The following SLIT3 variants were observed in gnomAD, a reference collection of about 807,000 sequenced individuals.
The protein encoded by SLIT3 is slit guidance ligand 3.
SLIT3 carries 68 observed loss-of-function variants against 184.0 expected under a neutral mutation model. That is an observed-to-expected ratio of 0.37 (90% confidence interval 0.30 to 0.45). The LOEUF (loss-of-function observed/expected upper bound fraction) is 0.45. Ranked by LOEUF, SLIT3 falls within the 20% of genes least tolerant of loss-of-function variation. SLIT3 has a pLI of 1.00. For missense variants in SLIT3, 1,707 were observed against 2,026.0 expected, an observed-to-expected ratio of 0.84 and a Z score of 3.02; for synonymous variants, 831 against 828.6, an observed-to-expected ratio of 1.00 and a Z score of -0.05.
At chr5:168,687,345 G>A (rs1286723220) in intron 29 of SLIT3, among the ~76,000 whole-genome samples, 4 of 152,226 alleles carry the variant, frequency 2.6e-5, no homozygotes, top group Admixed American at 2.6e-4. Flanking sequence ...GAGGAACACA[G>A]GGTTGGACTC....
intron 4 of SLIT3, among the ~76,000 whole-genome samples, chr5:169,005,858 A>G (rs769020211): frequency 2.4e-4 from 36 of 152,236 alleles, no homozygotes; most frequent in Non-Finnish European, 4.1e-4. Context: ...AAGGCAACCT[A>G]TGTTATTGCT....
chr5:168,798,624 T>G (rs1756661177), intron 9 of SLIT3, among the ~76,000 whole-genome samples: 1 of 152,068 alleles, frequency 6.6e-6, no homozygotes. Context: ...GGCCATTGCA[T>G]GATGAGGGTC....
chr5:169,140,507 A>AG (rs1222247907), intron 4 of SLIT3, among the ~76,000 whole-genome samples: 12 of 142,992 alleles, frequency 8.4e-5, no homozygotes, highest in African/African-American at 3.2e-4. Flanking sequence ...AAAAAAAAAA[A>AG]AAGACGCAGG....
intron 12 of SLIT3, among the ~76,000 whole-genome samples, chr5:168,775,274 G>C (rs1267648961): frequency 2.0e-5 from 3 of 151,892 alleles, no homozygotes; most frequent in Non-Finnish European, 4.4e-5. Context: ...CTGACCCCAG[G>C]TGACCTGCCT....
At chr5:169,054,268 G>C (rs1757913143) in intron 4 of SLIT3, among the ~76,000 whole-genome samples, 1 of 150,470 alleles carries the variant, frequency 6.6e-6, no homozygotes, top group Non-Finnish European at 1.5e-5. Context: ...GCGGAGATTG[G>C]GATGATGCGG....
intron 4 of SLIT3, among the ~76,000 whole-genome samples, chr5:169,173,038 G>C (rs1030027932): frequency 2.0e-5 from 3 of 152,158 alleles, no homozygotes. Flanking sequence ...CAGAGGGGTG[G>C]ATACCTTGAG....
chr5:168,860,693 C>G (rs1435324050), intron 5 of SLIT3, among the ~76,000 whole-genome samples: 4 of 152,142 alleles, frequency 2.6e-5, no homozygotes, highest in Admixed American at 6.5e-5. Flanking sequence ...ACCAAGCCAG[C>G]CTTTACTCTG....
chr5:169,077,586 T>C (rs909188066), intron 4 of SLIT3, among the ~76,000 whole-genome samples: 13 of 152,198 alleles, frequency 8.5e-5, no homozygotes, highest in Admixed American at 4.6e-4. Flanking sequence ...ATATAAAATA[T>C]CTGTTCATTA....
At chr5:169,022,398 G>A (rs1043352176) in intron 4 of SLIT3, among the ~76,000 whole-genome samples, 1 of 152,190 alleles carries the variant, frequency 6.6e-6, no homozygotes, top group Admixed American at 6.5e-5. Flanking sequence ...CTGAAACTTG[G>A]ACACAGTCCT....
In SLIT3 at chr5:168,718,677, T is replaced by TACACACACACACACAC. The variant is rs1163238928; in HGVS notation, c.2483+3563_2483+3578dup. ...CCTGAAATGTATTCATATCCACCCA[T>TACACACACACACACAC]ACACACACACACACACACACACACA... On this transcript the variant is annotated intron_variant, in intron 23 of 35. Transcript: ENST00000519560. Among the ~76,000 whole-genome samples, 89 of 108,672 alleles carry TACACACACACACACAC rather than the reference T, an allele frequency of 8.2e-4. 5 individuals carry two copies. Among genetic ancestry groups the TACACACACACACACAC allele is most frequent in the African/African-American group, 2.1e-3 (63 of 30,206 alleles). The allele number at this position is 108,672 out of a possible 152,430, so 71.3% of individuals were successfully genotyped here. A position where few individuals can be genotyped will look rare whatever the true frequency, so the allele number is the denominator to read the frequency against.
rs774066964 is a variant in SLIT3, at chr5:169,251,364, A to G, written c.269+24T>C. 2.6e-6 allele frequency: 4 copies of G among 1,564,710 alleles called. No individual in the cohort carries two copies. The South Asian group carries it at 4.4e-5, about 17-fold the overall frequency. ...GCTGAAGAGCTAAAAATGAAAACACACTTGAGAGCCATCAACTACTTACAA... is the reference window on the plus strand; with the variant it reads ...GCTGAAGAGCTAAAAATGAAAACACGCTTGAGAGCCATCAACTACTTACAA... On this transcript the variant is annotated intron_variant, in intron 2 of 35. Transcript: ENST00000519560.
intron 4 of SLIT3, among the ~76,000 whole-genome samples, chr5:169,112,906 T>C (rs1263982116): frequency 6.6e-6 from 1 of 152,112 alleles, no homozygotes; most frequent in Admixed American, 6.6e-5. Flanking sequence ...TAACTCTCCT[T>C]CCATGCACCC....
At chr5:168,974,862 G>A (rs1754694871) in intron 4 of SLIT3, among the ~76,000 whole-genome samples, 1 of 152,222 alleles carries the variant, frequency 6.6e-6, no homozygotes, top group African/African-American at 2.4e-5. Flanking sequence ...CCCAGAGGAG[G>A]TGGCCCTGGC....
rs1758955559 is a variant in SLIT3 at position 168,857,921 on chromosome 5, CT to C, written c.486-13267del. On this transcript the variant is annotated intron_variant, in intron 5 of 35. Transcript: ENST00000519560. ...AGGCGGGACAAGACTGGCTCTCCAGCTTCTGGATGCATACGGGGTTAGACAC... is the reference window on the plus strand; with the variant it reads ...AGGCGGGACAAGACTGGCTCTCCAGCTCTGGATGCATACGGGGTTAGACAC... 2.0e-5 allele frequency among the ~76,000 whole-genome samples: 3 copies of C among 152,228 alleles called. No individual in the cohort carries two copies. The South Asian group carries it at 6.2e-4, about 32-fold the overall frequency.
At chr5:168,791,558 C>T (rs1756370242) in intron 10 of SLIT3, 1 of 152,244 alleles carries the variant, frequency 6.6e-6, no homozygotes, top group East Asian at 1.9e-4. Flanking sequence ...ACAGATCAAA[C>T]TCCTTGTTCT....
intron 4 of SLIT3, among the ~76,000 whole-genome samples, chr5:169,072,218 G>A (rs1252464017): frequency 6.6e-6 from 1 of 152,184 alleles, no homozygotes; most frequent in Admixed American, 6.5e-5. Context: ...CCAGGGAGCA[G>A]CAGAGAATAA....
At chr5:169,144,104 T>C (rs1387409433) in intron 4 of SLIT3, among the ~76,000 whole-genome samples, 1 of 152,202 alleles carries the variant, frequency 6.6e-6, no homozygotes, top group Non-Finnish European at 1.5e-5. Context: ...ATTTTATGGA[T>C]GGGAAAAATG....
At chr5:169,214,426 A>G (rs1764368122) in intron 3 of SLIT3, among the ~76,000 whole-genome samples, 1 of 152,174 alleles carries the variant, frequency 6.6e-6, no homozygotes, top group African/African-American at 2.4e-5. Flanking sequence ...AAAACCCAGG[A>G]ACCGCAGTGA....
intron 1 of SLIT3, among the ~76,000 whole-genome samples, chr5:169,270,209 T>C (rs1362705863): frequency 6.6e-6 from 1 of 152,120 alleles, no homozygotes; most frequent in Non-Finnish European, 1.5e-5. Context: ...GAGTATACAG[T>C]AATTCATTCA....
Sources: allele counts gnomAD v4.1 joint callset (sites outside exome capture counted in the v4.1 genomes callset), GRCh38; gene constraint gnomAD v4.1.1; transcripts MANE v1.5; gene names NCBI Gene and HGNC (gene_info 2026-07-23, HGNC 2026-07-21).